LRP2: variants seen among roughly 807,000 people sequenced by gnomAD.
LRP2 encodes low-density lipoprotein receptor-related protein 2.
Under a neutral mutation model 531.0 loss-of-function variants are expected in LRP2, and 172 were observed. The ratio of observed to expected loss-of-function variants is 0.32; its 90% CI spans 0.29 to 0.37. LRP2 has a LOEUF of 0.37. Ranked by LOEUF, LRP2 falls within the 10% of genes least tolerant of loss-of-function variation. The pLI is 1.00. For missense variants in LRP2, 5,167 were observed against 5,868.3 expected, an observed-to-expected ratio of 0.88 and a Z score of 3.90; for synonymous variants, 1,992 against 2,027.6, an observed-to-expected ratio of 0.98 and a Z score of 0.47.
rs966238732 is a variant in LRP2, at chr2:169,272,982, G to A, written c.2061C>T (p.Phe687=). The A allele has an allele frequency of 1.2e-6, 2 of 1,613,648 alleles. No individual in the cohort carries two copies. Among genetic ancestry groups the A allele is most frequent in the African/African-American group, 2.7e-5 (2 of 74,880 alleles). ...GGAAGCCGAATGTGCACTTGCAACGGAAACCCAAACCATCATTATCTGTTC... is the reference window on the plus strand; with the variant it reads ...GGAAGCCGAATGTGCACTTGCAACGAAAACCCAAACCATCATTATCTGTTC... ...SHRTDNDGLG[F]RCKCTFGFQL... The change falls in exon 15 of 79, where the codon TTC becomes TTT. Residue 687 remains phenylalanine, a synonymous_variant. Transcript: ENST00000649046.
At chr2:169,190,083 T>C (rs1330751184) in intron 48 of LRP2, among the ~76,000 whole-genome samples, 1 of 152,224 alleles carries the variant, frequency 6.6e-6, no homozygotes, top group Non-Finnish European at 1.5e-5. Context: ...GTATTCAGAA[T>C]ATATTTACAT....
chr2:169,142,532 C>T (rs1212036247), intron 71 of LRP2, 142 bp downstream of exon 71: 2 of 1,147,190 alleles, frequency 1.7e-6, no homozygotes, highest in Admixed American at 1.9e-5. Context: ...CAACTCTGTT[C>T]ATACCTCCCA....
chr2:169,210,646 A>G (rs1256004475), intron 37 of LRP2, among the ~76,000 whole-genome samples: 2 of 152,222 alleles, frequency 1.3e-5, no homozygotes, highest in Non-Finnish European at 2.9e-5. Flanking sequence ...GCTAGAGGCA[A>G]CTACTCCAAA....
intron 25 of LRP2, among the ~76,000 whole-genome samples, chr2:169,240,370 A>T (rs1251624087): frequency 1.3e-5 from 2 of 152,204 alleles, no homozygotes; most frequent in African/African-American, 4.8e-5. Context: ...TTCCATGTGT[A>T]CTCTAACATA....
chr2:169,142,803 G>C lies in LRP2; in HGVS notation c.12989-10C>G. On this transcript the variant is annotated splice_polypyrimidine_tract_variant and intron_variant, in intron 70 of 78. Coordinates refer to ENST00000649046, the MANE Select transcript of LRP2 (RefSeq NM_004525.3). The stretch of plus-strand genomic sequence containing the variant: ...TTGCAAAGGTTGGGCACTGGAAAGC[G>C]GGTGAGAACAGCAGTTAGGTCCTGA... The C allele has an allele frequency of 4.3e-6, 7 of 1,613,674 alleles. No homozygotes were observed. The highest frequency in any genetic ancestry group is 1.1e-5 in the South Asian group (1 of 91,018).
chr2:169,131,271 G>C (rs1394622890), intron 77 of LRP2, among the ~76,000 whole-genome samples: 1 of 151,826 alleles, frequency 6.6e-6, no homozygotes, highest in Non-Finnish European at 1.5e-5. Flanking sequence ...GTGTGTGTGT[G>C]TGTGTGTGTG....
chr2:169,307,371 T>A lies in LRP2; in HGVS notation c.337A>T (p.Ile113Leu), dbSNP rs747650396. The change falls in exon 4 of 79, where the codon ATA (isoleucine) becomes TTA (leucine). Residue 113 changes from isoleucine (I) to leucine (L), a missense_variant. Around this residue, in one of 6 missense-constraint regions of LRP2, gnomAD observed 2,811 missense variants for 3,058.0 expected, o/e 0.92. Transcript: ENST00000649046. ...CSQSTCSSHQ[I>L]TCSNGQCIPS... ...ATACACTGACCATTGGAGCATGTTA[T>A]CTGATGACTTGAGCATGTACTTTGT... The A allele has an allele frequency of 4.3e-6, 7 of 1,613,068 alleles. No individual in the cohort carries two copies. The highest frequency in any genetic ancestry group is 5.9e-6 in the Non-Finnish European group (7 of 1,179,110).
intron 4 of LRP2, among the ~76,000 whole-genome samples, chr2:169,301,176 A>G (rs550638977): frequency 6.6e-6 from 1 of 152,258 alleles, no homozygotes; most frequent in Non-Finnish European, 1.5e-5. Context: ...ATTCACACCA[A>G]AATCATTCTA....
At chr2:169,148,048 T>C (rs1045594865) in intron 68 of LRP2, among the ~76,000 whole-genome samples, 2 of 152,248 alleles carry the variant, frequency 1.3e-5, no homozygotes, top group Non-Finnish European at 2.9e-5. Context: ...AAACCAGTCA[T>C]CAGGCATAGG....
In LRP2 at chr2:169,213,877, G is replaced by T. The variant is rs536933380; in HGVS notation, c.5827-7C>A. Reference sequence around the variant, plus strand: ...CCACGTTTCCTCTTTCAATCTAAAGGATTGGAATTTTCATTAGTTTCATGG... The same window carrying T: ...CCACGTTTCCTCTTTCAATCTAAAGTATTGGAATTTTCATTAGTTTCATGG... On this transcript the variant is annotated splice_region_variant and splice_polypyrimidine_tract_variant and intron_variant, in intron 35 of 78. Coordinates refer to ENST00000649046, the MANE Select transcript of LRP2 (RefSeq NM_004525.3). 1.1e-4 allele frequency: 179 copies of T among 1,604,262 alleles called. No individual in the cohort carries two copies. The highest frequency in any genetic ancestry group is 1.5e-4 in the Non-Finnish European group (174 of 1,171,606).
At chr2:169,344,662 C>A (rs1215480968) in intron 1 of LRP2, among the ~76,000 whole-genome samples, 1 of 152,132 alleles carries the variant, frequency 6.6e-6, no homozygotes, top group East Asian at 1.9e-4. Context: ...TTATATCCCT[C>A]ATCGAGTTTT....
At chr2:169,197,308 T>C (rs2105319475) in intron 45 of LRP2, among the ~76,000 whole-genome samples, 1 of 152,326 alleles carries the variant, frequency 6.6e-6, no homozygotes, top group Non-Finnish European at 1.5e-5. Flanking sequence ...ACTATCTTTG[T>C]GATAAATGAA....
Position 169,270,959 on chromosome 2 carries a change from G to T in LRP2, c.2265C>A (p.Ile755=). The change falls in exon 16 of 79, where the codon ATC becomes ATA. Residue 755 remains isoleucine (I), a synonymous_variant. Transcript: ENST00000649046. ...GIDFDAQDST[I]FFSDMSKHMI... is the part of the protein sequence containing the mutation. ...TGTGTTTTGACATATCTGAAAAAAAGATAGTGCTGTCCTGGGCGTCAAAAT... is the reference window on the plus strand; with the variant it reads ...TGTGTTTTGACATATCTGAAAAAAATATAGTGCTGTCCTGGGCGTCAAAAT... 1.2e-6 allele frequency: 2 copies of T among 1,613,018 alleles called. No individual in the cohort carries two copies. Among genetic ancestry groups the T allele is most frequent in the Non-Finnish European group, 1.7e-6 (2 of 1,179,584 alleles).
At chr2:169,255,970 T>C (rs927479654) in intron 19 of LRP2, 136 bp downstream of exon 19, 16 of 777,354 alleles carry the variant, frequency 2.1e-5, no homozygotes, top group East Asian at 1.4e-4. Context: ...TCTAAATATA[T>C]AGCACCATTT....
intron 1 of LRP2, among the ~76,000 whole-genome samples, chr2:169,327,770 C>T (rs1685134683): frequency 7.8e-6 from 1 of 128,172 alleles, no homozygotes; most frequent in Admixed American, 7.2e-5. Flanking sequence ...GGGTCAGCCC[C>T]CCGCCCGGCC....
chr2:169,307,154 A>G (rs1013971139), intron 4 of LRP2, 127 bp downstream of exon 4: 1 of 745,676 alleles, frequency 1.3e-6, no homozygotes, highest in Non-Finnish European at 2.5e-6. Context: ...AGAATCTGCC[A>G]AGAGATTGCA....
At chr2:169,239,817 A>G in intron 25 of LRP2, 42 bp from the exon 26 acceptor site, 1 of 1,533,766 alleles carries the variant, frequency 6.5e-7, no homozygotes, top group Non-Finnish European at 9.0e-7. Context: ...AAAATCAAGA[A>G]TCTTTGCTTC....
Position 169,154,573 on chromosome 2 carries a change from T to C in LRP2, c.12182A>G (p.Asn4061Ser), listed in dbSNP as rs367679338. The change falls in exon 66 of 79, where the codon AAT (asparagine) becomes AGT (serine). Residue 4061 changes from asparagine (N) to serine (S), a missense_variant. Physicochemically the swap from Asn to Ser is conservative, Grantham distance 46 (BLOSUM62 1). This residue lies in a region of LRP2 where 564 missense variants were observed against 747.7 expected (regional missense o/e 0.75). Coordinates refer to ENST00000649046, the MANE Select transcript of LRP2 (RefSeq NM_004525.3). Reference protein sequence around the residue: ...GSSPLLLLPDNVRIRKYNLSS... With the variant: ...GSSPLLLLPDSVRIRKYNLSS... Reference sequence around the variant, plus strand: ...GAGATTATATTTTCGAATTCGGACATTGTCAGGCAGTAGCAACAAAGGAGA... The same window carrying C: ...GAGATTATATTTTCGAATTCGGACACTGTCAGGCAGTAGCAACAAAGGAGA... 2.2e-5 allele frequency: 36 copies of C among 1,613,474 alleles called. No homozygotes were observed. Among genetic ancestry groups the C allele is most frequent in the Admixed American group, 3.3e-5 (2 of 59,966 alleles).
rs369182892 is a variant in LRP2, at chr2:169,188,093, G to A, written c.9205C>T (p.His3069Tyr). ...GGTGGACACGTGGGTTCTGGGGTGT[G>A]GCACAGGTGCATCAGCTCATCAGAT... ...DGSDELMHLC[H>Y]TPEPTCPPHE... Residue 3069 changes from histidine to tyrosine, a missense_variant, in exon 49 of 79, where the codon CAC (histidine) becomes TAC (tyrosine). Transcript: ENST00000649046. 6.2e-7 allele frequency: 1 copy of A among 1,614,098 alleles called. No homozygotes were observed. The highest frequency in any genetic ancestry group is 8.5e-7 in the Non-Finnish European group (1 of 1,180,018).
Sources: allele counts gnomAD v4.1 joint callset (sites outside exome capture counted in the v4.1 genomes callset), GRCh38; gene constraint gnomAD v4.1.1; regional missense constraint gnomAD v4.1.1; transcripts MANE v1.5; gene names NCBI Gene and HGNC (gene_info 2026-07-23, HGNC 2026-07-21).